Variants in SIPA1L1 observed in about 807,000 individuals in gnomAD.
SIPA1L1 encodes signal induced proliferation associated 1 like 1, also known as signal-induced proliferation-associated 1-like protein 1.
SIPA1L1 carries 26 observed loss-of-function variants against 162.7 expected under a neutral mutation model. That is an observed-to-expected ratio of 0.16 (90% CI 0.12 to 0.22). SIPA1L1 has a LOEUF of 0.22. SIPA1L1 is among the 10% of genes least tolerant of loss of function. SIPA1L1 has a pLI of 1.00. For synonymous variants in SIPA1L1, 829 were observed against 837.4 expected (o/e 0.99, Z 0.17); for missense variants, 1,874 against 2,241.0 (o/e 0.84, Z 3.31).
chr14:71,655,196 C>G (rs543857379), intron 8 of SIPA1L1, among the ~76,000 whole-genome samples: 49 of 152,182 alleles, frequency 3.2e-4, no homozygotes, highest in African/African-American at 1.1e-3. Flanking sequence ...TGTTTAGCTC[C>G]TGCTTGTAAG....
At chr14:71,385,236 C>T (rs971203885) in intron 2 of SIPA1L1, among the ~76,000 whole-genome samples, 1 of 152,204 alleles carries the variant, frequency 6.6e-6, no homozygotes, top group Non-Finnish European at 1.5e-5. Context: ...TCTTCCTCAA[C>T]ATGGTCAAGG....
chr14:71,533,442 C>G (rs542737497), intron 4 of SIPA1L1, among the ~76,000 whole-genome samples: 1 of 152,114 alleles, frequency 6.6e-6, no homozygotes, highest in Non-Finnish European at 1.5e-5. Flanking sequence ...ATTCATTCAG[C>G]AGCAAAAAGG....
chr14:71,606,811 G>A (rs1490576219), intron 5 of SIPA1L1, among the ~76,000 whole-genome samples: 1 of 152,032 alleles, frequency 6.6e-6, no homozygotes, highest in African/African-American at 2.4e-5. Flanking sequence ...GTTAGCACTG[G>A]GGGAGTCTGG....
At chr14:71,415,110 A>G (rs2042666262) in intron 2 of SIPA1L1, among the ~76,000 whole-genome samples, 1 of 152,116 alleles carries the variant, frequency 6.6e-6, no homozygotes, top group East Asian at 1.9e-4. Context: ...GCTCTTCTGG[A>G]GTGACTGCAT....
chr14:71,477,607 C>G (rs2047983280), intron 2 of SIPA1L1, among the ~76,000 whole-genome samples: 1 of 152,180 alleles, frequency 6.6e-6, no homozygotes, highest in Non-Finnish European at 1.5e-5. Context: ...GGACCTAGAT[C>G]ATGTTTTGAA....
intron 5 of SIPA1L1, among the ~76,000 whole-genome samples, chr14:71,593,344 T>A (rs1224425368): frequency 1.3e-5 from 2 of 152,134 alleles, no homozygotes; most frequent in African/African-American, 4.8e-5. Flanking sequence ...CCCAGGTAGC[T>A]GGGATTACAG....
chr14:71,626,632 C>G (rs1010277025), intron 7 of SIPA1L1, among the ~76,000 whole-genome samples: 4 of 152,090 alleles, frequency 2.6e-5, no homozygotes, highest in Admixed American at 6.6e-5. Context: ...TTTTTAGTTT[C>G]CATCTGTGTC....
intron 2 of SIPA1L1, among the ~76,000 whole-genome samples, chr14:71,326,657 T>G (rs1429366221): frequency 6.6e-6 from 1 of 152,164 alleles, no homozygotes; most frequent in Non-Finnish European, 1.5e-5. Flanking sequence ...ATGTTATCTT[T>G]CTGTAATTCA....
intron 2 of SIPA1L1, among the ~76,000 whole-genome samples, chr14:71,433,400 T>C (rs1055675508): frequency 5.9e-5 from 9 of 152,242 alleles, no homozygotes; most frequent in Non-Finnish European, 1.0e-4. Flanking sequence ...CACCATGGCC[T>C]CAACCTCTCG....
intron 2 of SIPA1L1, among the ~76,000 whole-genome samples, chr14:71,366,025 C>T (rs1338411199): frequency 6.6e-6 from 1 of 151,748 alleles, no homozygotes; most frequent in Non-Finnish European, 1.5e-5. Context: ...TGTGCCTGGC[C>T]AAGGCTACTA....
intron 20 of SIPA1L1, among the ~76,000 whole-genome samples, chr14:71,731,757 C>T (rs2084805640): frequency 6.6e-6 from 1 of 152,228 alleles, no homozygotes; most frequent in Non-Finnish European, 1.5e-5. Context: ...GGACTAGAGG[C>T]CCCATGTGAG....
chr14:71,346,957 CTTT>C (rs111518020), intron 2 of SIPA1L1, among the ~76,000 whole-genome samples: 2 of 142,722 alleles, frequency 1.4e-5, no homozygotes, highest in Admixed American at 7.1e-5. Flanking sequence ...AATATGTAGT[CTTT>C]TTTTTTTTTT....
Position 71,671,652 on chromosome 14 carries a change from T to G in SIPA1L1, c.2789T>G (p.Ile930Ser), listed in dbSNP as rs775223774. The G allele has an allele frequency of 6.2e-7, 1 of 1,612,558 alleles. No individual in the cohort carries two copies. Among genetic ancestry groups the G allele is most frequent in the African/African-American group, 1.3e-5 (1 of 74,882 alleles). The change falls in exon 11 of 24, where the codon ATT (isoleucine) becomes AGT (serine). Residue 930 changes from isoleucine (I) to serine (S), a missense_variant. Ile to Ser is a moderately radical substitution (Grantham distance 142, BLOSUM62 -2). Transcript: ENST00000381232. The stretch of plus-strand genomic sequence containing the variant: ...GAATGTGTTTCAGTGGGTAGTTTTA[T>G]TAACATTGAGGAGATCAAAGAGATT... ...RGECVSVGSF[I>S]NIEEIKEIVK...
intron 2 of SIPA1L1, among the ~76,000 whole-genome samples, chr14:71,383,603 A>G (rs2040083303): frequency 6.6e-6 from 1 of 152,188 alleles, no homozygotes; most frequent in Non-Finnish European, 1.5e-5. Flanking sequence ...CTAGCATGGC[A>G]CAGTCATTTG....
chr14:71,455,887 A>G (rs1333832344), intron 2 of SIPA1L1, among the ~76,000 whole-genome samples: 1 of 152,036 alleles, frequency 6.6e-6, no homozygotes, highest in Non-Finnish European at 1.5e-5. Flanking sequence ...ATGTATTCTT[A>G]CTTATATATT....
chr14:71,499,405 A>G (rs904150517), intron 2 of SIPA1L1, among the ~76,000 whole-genome samples: 1 of 152,204 alleles, frequency 6.6e-6, no homozygotes, highest in Admixed American at 6.5e-5. Flanking sequence ...TGTAATTTAT[A>G]TAAGCACAAC....
At chr14:71,423,585 A>G (rs1311089894) in intron 2 of SIPA1L1, among the ~76,000 whole-genome samples, 1 of 152,056 alleles carries the variant, frequency 6.6e-6, no homozygotes, top group African/African-American at 2.4e-5. Flanking sequence ...TCCCCATTGA[A>G]TGGTCTTGGC....
chr14:71,467,052 A>T (rs1246728393), intron 2 of SIPA1L1: 2 of 151,168 alleles, frequency 1.3e-5, no homozygotes, highest in Non-Finnish European at 3.0e-5. Flanking sequence ...TCTAGAGAGA[A>T]ATTTTCCTGC....
chr14:71,666,130 T>C (rs1287769465), intron 10 of SIPA1L1, among the ~76,000 whole-genome samples: 1 of 152,174 alleles, frequency 6.6e-6, no homozygotes, highest in Non-Finnish European at 1.5e-5. Flanking sequence ...GACAAATATG[T>C]GCCTCATAAT....
Sources: allele counts gnomAD v4.1 joint callset (sites outside exome capture counted in the v4.1 genomes callset), GRCh38; gene constraint gnomAD v4.1.1; transcripts MANE v1.5; gene names NCBI Gene and HGNC (gene_info 2026-07-23, HGNC 2026-07-21).